FBN2: variants seen among roughly 807,000 people sequenced by gnomAD.
FBN2 encodes fibrillin 2, also known as fibrillin-2.
FBN2 carries 105 observed loss-of-function variants against 355.6 expected under a neutral mutation model. The observed-to-expected ratio is 0.30, with a 90% CI of 0.25 to 0.35. FBN2 has a LOEUF of 0.35. Among genes scored for constraint, FBN2 ranks in the 10% least tolerant of loss-of-function variants. FBN2 has a pLI of 1.00. For synonymous variants in FBN2, 1,350 were observed against 1,301.2 expected (o/e 1.04, Z -0.81); for missense variants, 3,280 against 3,758.7 (o/e 0.87, Z 3.33).
intron 18 of FBN2, among the ~76,000 whole-genome samples, chr5:128,364,352 T>C (rs1007218562): frequency 3.9e-5 from 6 of 152,144 alleles, no homozygotes; most frequent in African/African-American, 9.7e-5. Flanking sequence ...AGGAAAACAA[T>C]AGGCAAATAA....
chr5:128,286,569 C>A, intron 55 of FBN2, 149 bp downstream of exon 55: 2 of 882,216 alleles, frequency 2.3e-6, no homozygotes, highest in South Asian at 2.8e-5. Context: ...TTAGCAGAGA[C>A]CCTGAGATGG....
At chr5:128,384,454 T>C (rs1219742915) in intron 11 of FBN2, among the ~76,000 whole-genome samples, 1 of 152,138 alleles carries the variant, frequency 6.6e-6, no homozygotes, top group Non-Finnish European at 1.5e-5. Flanking sequence ...ACTTATTGTA[T>C]GTCAATTAAA....
chr5:128,530,337 G>A lies in FBN2; in HGVS notation c.436+258C>T, dbSNP rs995578383. ...ATGTTAAGCAAAGGCAACAAATACAGTCTAGTGTTTGAGACTATACACTTA... is the reference window on the plus strand; with the variant it reads ...ATGTTAAGCAAAGGCAACAAATACAATCTAGTGTTTGAGACTATACACTTA... On this transcript the variant is annotated intron_variant, in intron 3 of 64. Coordinates refer to ENST00000262464, the MANE Select transcript of FBN2 (RefSeq NM_001999.4). 1.1e-4 allele frequency among the ~76,000 whole-genome samples: 17 copies of A among 152,190 alleles called. 1 individual carries two copies. The highest frequency in any genetic ancestry group is 1.0e-3 in the Admixed American group (16 of 15,274).
rs771008563 is a variant in FBN2 at position 128,464,744 on chromosome 5, A to G, written c.806T>C (p.Ile269Thr). The change falls in exon 6 of 65, where the codon ATC (isoleucine) becomes ACC (threonine). Residue 269 changes from isoleucine to threonine, a missense_variant. Ile to Thr is a moderately conservative substitution (Grantham distance 89, BLOSUM62 -1). Coordinates refer to ENST00000262464, the MANE Select transcript of FBN2 (RefSeq NM_001999.4). ...CTCACCTTGGCAAGCTCCAGTGCGGATGTTGGGGATGAAACCCCGTCGGCA... is the reference window on the plus strand; with the variant it reads ...CTCACCTTGGCAAGCTCCAGTGCGGGTGTTGGGGATGAAACCCCGTCGGCA... ...QPCRRGFIPN[I>T]RTGACQDVDE... The G allele has an allele frequency of 2.4e-5, 39 of 1,613,736 alleles. 1 individual carries two copies. In the Middle Eastern group the frequency reaches 1.0e-3, roughly 42 times the overall value.
chr5:128,369,153 T>A, intron 16 of FBN2, 29 bp downstream of exon 16: 1 of 1,611,980 alleles, frequency 6.2e-7, no homozygotes, highest in Non-Finnish European at 8.5e-7. Flanking sequence ...TGATTCTTTA[T>A]CAACTGTGAA....
chr5:128,407,515 C>T (rs1752956743), intron 8 of FBN2, among the ~76,000 whole-genome samples: 1 of 152,278 alleles, frequency 6.6e-6, no homozygotes, highest in Middle Eastern at 3.4e-3. Context: ...CAGTGCCTTA[C>T]ACACGGTATG....
intron 5 of FBN2, among the ~76,000 whole-genome samples, chr5:128,506,682 G>A (rs1755970892): frequency 2.0e-5 from 3 of 152,076 alleles, no homozygotes. Context: ...ACCAAACAGT[G>A]CAATGTTCAA....
At chr5:128,269,870 A>T (rs1243768327) in intron 62 of FBN2, among the ~76,000 whole-genome samples, 1 of 152,244 alleles carries the variant, frequency 6.6e-6, no homozygotes, top group African/African-American at 2.4e-5. Context: ...GAACCAAAGA[A>T]GAGCGTGTAT....
At chr5:128,286,889 G>C (rs1442319531) in intron 54 of FBN2, 40 bp from the exon 55 acceptor site, 1 of 1,597,494 alleles carries the variant, frequency 6.3e-7, no homozygotes, top group East Asian at 2.3e-5. Context: ...TCTGGAGCAA[G>C]CTGTAGTTTA....
chr5:128,446,802 G>T (rs1754078089), intron 6 of FBN2, among the ~76,000 whole-genome samples, 196 bp from the exon 7 acceptor site: 1 of 152,094 alleles, frequency 6.6e-6, no homozygotes, highest in South Asian at 2.1e-4. Context: ...ATATATCTTA[G>T]TTTGTTTCTT....
At chr5:128,364,132 T>G (rs1346650840) in intron 18 of FBN2, among the ~76,000 whole-genome samples, 3 of 152,246 alleles carry the variant, frequency 2.0e-5, no homozygotes. Context: ...TACTTCAGTT[T>G]TTTCAATCAT....
chr5:128,366,372 G>A lies in FBN2; in HGVS notation c.2302+5C>T, dbSNP rs1166752944. 1 of 1,560,926 alleles carries A rather than the reference G, an allele frequency of 6.4e-7. No homozygotes were observed. The highest frequency in any genetic ancestry group is 8.8e-7 in the Non-Finnish European group (1 of 1,133,970). On this transcript the variant is annotated splice_donor_5th_base_variant and intron_variant, in intron 17 of 64. Coordinates refer to ENST00000262464, the MANE Select transcript of FBN2 (RefSeq NM_001999.4). ...TATTATAAAGTTGAGATTAACTAGA[G>A]TTACCTCTTCCATCCACAGTGATAC... is the stretch of plus-strand genomic sequence containing the variant.
chr5:128,460,799 A>C (rs2127078509), intron 6 of FBN2, among the ~76,000 whole-genome samples: 1 of 152,362 alleles, frequency 6.6e-6, no homozygotes, highest in East Asian at 1.9e-4. Context: ...AAAACTGGCT[A>C]GCCATATGCA....
At chr5:128,282,517 G>A (rs189298778) in intron 55 of FBN2, among the ~76,000 whole-genome samples, 1 of 151,822 alleles carries the variant, frequency 6.6e-6, no homozygotes, top group African/African-American at 2.4e-5. Context: ...TACTGCCTGA[G>A]TTCTTCCAAG....
chr5:128,488,566 A>G (rs1755407004), intron 5 of FBN2, among the ~76,000 whole-genome samples: 1 of 151,912 alleles, frequency 6.6e-6, no homozygotes, highest in African/African-American at 2.4e-5. Context: ...TTAGTTACAT[A>G]TGCATACATG....
At chr5:128,423,609 G>C (rs1053034260) in intron 7 of FBN2, among the ~76,000 whole-genome samples, 4 of 152,142 alleles carry the variant, frequency 2.6e-5, no homozygotes, top group Admixed American at 2.0e-4. Context: ...AAGCAAGAGA[G>C]AGCATAATTT....
intron 22 of FBN2, 116 bp from the exon 23 acceptor site, chr5:128,349,588 C>A: frequency 7.9e-7 from 1 of 1,268,194 alleles, no homozygotes; most frequent in Non-Finnish European, 1.1e-6. Context: ...TGGATTATTA[C>A]TTGAGTTAAA....
chr5:128,457,672 C>A (rs559687891), intron 6 of FBN2, among the ~76,000 whole-genome samples: 1 of 151,610 alleles, frequency 6.6e-6, no homozygotes, highest in East Asian at 1.9e-4. Flanking sequence ...GAAAAGAATT[C>A]TCAACACAGA....
intron 57 of FBN2, among the ~76,000 whole-genome samples, 170 bp downstream of exon 57, chr5:128,278,465 A>T (rs180699752): frequency 6.6e-6 from 1 of 152,340 alleles, no homozygotes; most frequent in East Asian, 1.9e-4. Flanking sequence ...AGCAAAGATT[A>T]TTCTTTCTAT....
Sources: allele counts gnomAD v4.1 joint callset (sites outside exome capture counted in the v4.1 genomes callset), GRCh38; gene constraint gnomAD v4.1.1; transcripts MANE v1.5; gene names NCBI Gene and HGNC (gene_info 2026-07-23, HGNC 2026-07-21).